LIPA: variants seen among roughly 807,000 people sequenced by gnomAD.
LIPA encodes lysosomal acid lipase/cholesteryl ester hydrolase.
In LIPA, 26 loss-of-function variants were observed where a neutral mutation model predicts 40.6. The ratio of observed to expected loss-of-function variants is 0.64; its 90% confidence interval spans 0.47 to 0.89. LIPA has a LOEUF of 0.89. Among genes scored for constraint, LIPA ranks in the 40% least tolerant of loss-of-function variants. The pLI is 0.00. For missense variants in LIPA, 455 were observed against 479.6 expected (o/e 0.95, Z 0.48); for synonymous variants, 188 against 168.4 (o/e 1.12, Z -0.90).
chr10:89,404,198 T>C (rs1488897505), intron 2 of LIPA: 3 of 152,408 alleles, frequency 2.0e-5, no homozygotes, highest in Non-Finnish European at 4.4e-5. Context: ...CAGAAACCCA[T>C]GGAAAACAAA....
chr10:89,301,573 G>A (rs1843445387), intron 1 of LIPA, among the ~76,000 whole-genome samples: 2 of 152,180 alleles, frequency 1.3e-5, no homozygotes, highest in Admixed American at 1.3e-4. Flanking sequence ...GAGCATTTTG[G>A]GGTGAAAATA....
chr10:89,354,799 C>A (rs144901448), intron 2 of LIPA, among the ~76,000 whole-genome samples: 1 of 152,310 alleles, frequency 6.6e-6, no homozygotes, highest in African/African-American at 2.4e-5. Context: ...AACTCCTGAC[C>A]TTGTGATCCA....
chr10:89,288,546 T>C (rs1035095012), intron 1 of LIPA, among the ~76,000 whole-genome samples: 4 of 152,156 alleles, frequency 2.6e-5, no homozygotes, highest in African/African-American at 9.7e-5. Flanking sequence ...TGTTTTAGGC[T>C]GGCCCCCACC....
At chr10:89,310,554 T>TTAA (rs1298698348) in intron 1 of LIPA, among the ~76,000 whole-genome samples, 1 of 152,170 alleles carries the variant, frequency 6.6e-6, no homozygotes, top group Non-Finnish European at 1.5e-5. Flanking sequence ...TTCCCCATGA[T>TTAA]TAATAGTGCA....
intron 2 of LIPA, chr10:89,403,591 G>C (rs1844478047): frequency 2.5e-6 from 4 of 1,613,954 alleles, no homozygotes; most frequent in Non-Finnish European, 2.5e-6. Flanking sequence ...GATCTGGAAA[G>C]CTTGAGCCTC....
chr10:89,382,893 C>T (rs1013079305), intron 2 of LIPA, among the ~76,000 whole-genome samples: 44 of 152,310 alleles, frequency 2.9e-4, no homozygotes, highest in African/African-American at 1.0e-3. Flanking sequence ...AATGTGTTTA[C>T]GTGTTGAGAA....
At chr10:89,305,428 A>G (rs1843472088) in intron 1 of LIPA, among the ~76,000 whole-genome samples, 1 of 152,214 alleles carries the variant, frequency 6.6e-6, no homozygotes, top group African/African-American at 2.4e-5. Context: ...TTTAAAGGCA[A>G]ATGAAGGAGA....
At chr10:89,331,460 T>A (rs7073534) in intron 1 of LIPA, among the ~76,000 whole-genome samples, 37,701 of 151,946 alleles carry the variant, frequency 0.25, 4,956 homozygotes, top group African/African-American at 0.32. Context: ...GGCGTGAGCC[T>A]CCGTGCCTGG....
intron 3 of LIPA, among the ~76,000 whole-genome samples, chr10:89,231,660 T>C (rs956917699): frequency 6.6e-6 from 1 of 152,150 alleles, no homozygotes; most frequent in African/African-American, 2.4e-5. Context: ...AAACTTTTCA[T>C]AGAGATGAGG....
At chr10:89,342,301 T>G (rs1843879093) in intron 1 of LIPA, among the ~76,000 whole-genome samples, 1 of 152,200 alleles carries the variant, frequency 6.6e-6, no homozygotes, top group African/African-American at 2.4e-5. Flanking sequence ...AGCACAGACT[T>G]CCACTCTTAA....
intron 1 of LIPA, chr10:89,302,210 A>T: frequency 7.0e-7 from 1 of 1,433,404 alleles, no homozygotes; most frequent in Middle Eastern, 1.8e-4. Context: ...GTTCCCAAAG[A>T]GGGCCAGCTC....
chr10:89,395,781 G>A (rs1035024459), intron 2 of LIPA, among the ~76,000 whole-genome samples: 6 of 151,854 alleles, frequency 4.0e-5, no homozygotes, highest in East Asian at 1.9e-4. Flanking sequence ...GCTGTAGATT[G>A]TAGCCACTCT....
At chr10:89,341,060 A>T (rs983473367) in intron 1 of LIPA, 1 of 152,192 alleles carries the variant, frequency 6.6e-6, no homozygotes, top group Non-Finnish European at 1.5e-5. Flanking sequence ...GGTAATTGCT[A>T]AGCCGTACCA....
At chr10:89,216,341 T>A (rs1842625845) in intron 8 of LIPA, among the ~76,000 whole-genome samples, 1 of 151,488 alleles carries the variant, frequency 6.6e-6, no homozygotes, top group Admixed American at 6.6e-5. Context: ...CATCCTAAGC[T>A]TTTTCAAAGA....
intron 2 of LIPA, among the ~76,000 whole-genome samples, chr10:89,409,157 G>T (rs1019349964): frequency 7.9e-5 from 12 of 152,180 alleles, no homozygotes; most frequent in African/African-American, 2.7e-4. Flanking sequence ...TACCCAATCA[G>T]CCACAGATAT....
intron 1 of LIPA, among the ~76,000 whole-genome samples, chr10:89,287,023 T>C (rs1843344604): frequency 6.6e-6 from 1 of 152,192 alleles, no homozygotes; most frequent in Non-Finnish European, 1.5e-5. Flanking sequence ...CCGGGATTCC[T>C]CCTAAGCTGT....
At chr10:89,342,275 T>C (rs146825594) in intron 1 of LIPA, among the ~76,000 whole-genome samples, 1 of 152,256 alleles carries the variant, frequency 6.6e-6, no homozygotes, top group East Asian at 1.9e-4. Context: ...CTTAAGATAT[T>C]ATAAGATGGG....
At chr10:89,321,287 C>T (rs940557272) in intron 1 of LIPA, among the ~76,000 whole-genome samples, 4 of 152,178 alleles carry the variant, frequency 2.6e-5, no homozygotes, top group Non-Finnish European at 4.4e-5. Flanking sequence ...AGGCAACCTA[C>T]AGAGTGGGAG....
intron 1 of LIPA, chr10:89,306,329 GAGA>G (rs1213256421): frequency 7.4e-6 from 12 of 1,614,044 alleles, no homozygotes; most frequent in Non-Finnish European, 1.0e-5. Flanking sequence ...ACATGTCTGT[GAGA>G]AGTTTTCCAG....
Sources: gnomAD v4.1 joint callset for allele counts (sites outside exome capture counted in the v4.1 genomes callset) on GRCh38, gnomAD v4.1.1 for gene constraint, MANE v1.5 for transcripts, NCBI Gene and HGNC (gene_info 2026-07-23, HGNC 2026-07-21) for gene names.